Variants in AGBL2 observed in about 807,000 individuals in gnomAD.
AGBL2 encodes AGBL carboxypeptidase 2, also known as cytosolic carboxypeptidase 2.
Under a neutral mutation model 103.0 loss-of-function variants are expected in AGBL2, and 87 were observed. That is an observed-to-expected ratio of 0.84 (90% CI 0.71 to 1.01). AGBL2 has a LOEUF of 1.01. Among genes scored for constraint, AGBL2 ranks in the 50% least tolerant of loss-of-function variants. AGBL2 has a pLI of 0.00. For missense variants in AGBL2, 904 were observed against 1,023.5 expected (o/e 0.88, Z 1.59); for synonymous variants, 335 against 356.7 (o/e 0.94, Z 0.69).
chr11:47,660,042 TCAGTG>T lies in AGBL2; in HGVS notation c.*126_*130del. The T allele has an allele frequency of 1.1e-6, 1 of 900,320 alleles. No homozygotes were observed. The allele number at this position is 900,320 out of a possible 1,614,324, so 55.8% of individuals were successfully genotyped here. On this transcript the variant is annotated 3_prime_UTR_variant, in exon 19 of 19. Transcript: ENST00000525123. ...CACAGTGTAAGTACAAAGTGTAAGG[TCAGTG>T]CATGAGTGCACAACACAGTATACCA...
At chr11:47,693,045 C>T (rs771578275) in intron 8 of AGBL2, among the ~76,000 whole-genome samples, 28 of 151,982 alleles carry the variant, frequency 1.8e-4, no homozygotes, top group Admixed American at 4.6e-4. Flanking sequence ...TTCTTGAACT[C>T]CAGGGCCCAA....
At position 47,690,849 on chromosome 11, in the gene AGBL2, A is replaced by G. The variant is rs756285082; in HGVS notation, c.858T>C (p.Tyr286=). Residue 286 remains tyrosine (Y), a synonymous_variant, in exon 10 of 19, where the codon TAT becomes TAC. Coordinates refer to ENST00000525123, the MANE Select transcript of AGBL2 (RefSeq NM_024783.4). ...CAGTTCGCAAGGTGAGTTCATACTC[A>G]TAGGTGTCTCTGTAATGGAGAAAAT... is the stretch of plus-strand genomic sequence containing the variant. ...NLQKAVRVDT[Y]EYELTLRTDL... is the part of the protein sequence containing the mutation. 9.9e-6 allele frequency: 16 copies of G among 1,608,904 alleles called. No homozygotes were observed. In the South Asian group the frequency reaches 1.8e-4, roughly 18 times the overall value.
Position 47,682,022 on chromosome 11 carries a change from A to C in AGBL2, c.1862T>G (p.Met621Arg). ...CATGGTGTAGCTGTTTAGGATTCCCATCCGCCACATAACAACTCGTCCTGT... is the reference window on the plus strand; with the variant it reads ...CATGGTGTAGCTGTTTAGGATTCCCCTCCGCCACATAACAACTCGTCCTGT... ...EGTGRVVMWR[M>R]GILNSYTMES... Residue 621 changes from methionine (M) to arginine (R), a missense_variant, in exon 12 of 19, where the codon ATG becomes AGG. Coordinates refer to ENST00000525123, the MANE Select transcript of AGBL2 (RefSeq NM_024783.4). 1 of 1,614,172 alleles carries C rather than the reference A, an allele frequency of 6.2e-7. No homozygotes were observed. The highest frequency in any genetic ancestry group is 8.5e-7 in the Non-Finnish European group (1 of 1,180,022).
intron 3 of AGBL2, among the ~76,000 whole-genome samples, chr11:47,712,788 T>C (rs974451588): frequency 2.6e-5 from 4 of 151,782 alleles, no homozygotes; most frequent in African/African-American, 7.3e-5. Flanking sequence ...GCCTGTAATC[T>C]TGGCATTTTG....
At position 47,710,467 on chromosome 11, in the gene AGBL2, G is replaced by A. The variant is rs781464867; in HGVS notation, c.142C>T (p.Arg48Trp). ...AACAGGCATTGAGGGTTATTCTTCC[G>A]AACATGCTGATGCGTAGCAGAGTTT... ...LPNSATHQHV[R>W]KNNPQCLLNG... Residue 48 changes from arginine to tryptophan, a missense_variant, in exon 4 of 19, where the codon CGG becomes TGG. Physicochemically the swap from Arg to Trp is moderately radical, Grantham distance 101. Transcript: ENST00000525123. 5.6e-6 allele frequency: 9 copies of A among 1,614,002 alleles called. No individual in the cohort carries two copies. The highest frequency in any genetic ancestry group is 4.5e-5 in the East Asian group (2 of 44,896).
intron 5 of AGBL2, 84 bp downstream of exon 5, chr11:47,705,780 T>C: frequency 3.3e-6 from 4 of 1,221,526 alleles, no homozygotes; most frequent in Non-Finnish European, 4.9e-6. Context: ...CTGGTAATTC[T>C]TAGGTCTGGT....
chr11:47,704,507 C>T, intron 7 of AGBL2, 36 bp downstream of exon 7: 1 of 1,437,628 alleles, frequency 7.0e-7, no homozygotes, highest in Non-Finnish European at 9.4e-7. Flanking sequence ...AAAAGTCAGG[C>T]AGAATAGCAA....
chr11:47,700,366 G>A (rs1470071458), intron 7 of AGBL2, among the ~76,000 whole-genome samples: 1 of 151,814 alleles, frequency 6.6e-6, no homozygotes, highest in Non-Finnish European at 1.5e-5. Flanking sequence ...ATTACCTGAG[G>A]TCGGGAGTTC....
intron 17 of AGBL2, 47 bp downstream of exon 17, chr11:47,666,909 G>T: frequency 8.2e-7 from 1 of 1,213,326 alleles, no homozygotes; most frequent in East Asian, 2.4e-5. Context: ...GCTAATTCGA[G>T]AGGTTAGAGA....
chr11:47,663,148 A>T, intron 17 of AGBL2, 36 bp from the exon 18 acceptor site: 2 of 1,389,262 alleles, frequency 1.4e-6, no homozygotes, highest in Non-Finnish European at 2.0e-6. Flanking sequence ...TAAATTTTCC[A>T]CTTGAGCAAG....
chr11:47,669,863 G>A (rs201113229), intron 14 of AGBL2, among the ~76,000 whole-genome samples: 2 of 152,034 alleles, frequency 1.3e-5, no homozygotes, highest in South Asian at 4.1e-4. Flanking sequence ...CTCCCGCCTC[G>A]GCCTCCCAAA....
intron 8 of AGBL2, among the ~76,000 whole-genome samples, chr11:47,695,434 C>T (rs2097464352): frequency 6.9e-6 from 1 of 143,970 alleles, no homozygotes; most frequent in Non-Finnish European, 1.5e-5. Context: ...GAAATCACAC[C>T]ACTGCACTCC....
intron 10 of AGBL2, among the ~76,000 whole-genome samples, chr11:47,689,368 G>A (rs899551214): frequency 7.0e-6 from 1 of 143,398 alleles, no homozygotes. Flanking sequence ...GCAGTGGCAC[G>A]CTCTTGGCTC....
intron 3 of AGBL2, 43 bp downstream of exon 3, chr11:47,714,241 T>C: frequency 2.0e-6 from 3 of 1,525,532 alleles, no homozygotes; most frequent in Non-Finnish European, 2.7e-6. Context: ...AATTTTCCTC[T>C]TGAGTCCAGG....
chr11:47,671,203 G>T (rs768822104), intron 14 of AGBL2, among the ~76,000 whole-genome samples: 4 of 152,004 alleles, frequency 2.6e-5, no homozygotes, highest in Admixed American at 6.6e-5. Flanking sequence ...CTCTATGACA[G>T]GGGTCTATAC....
intron 14 of AGBL2, among the ~76,000 whole-genome samples, chr11:47,676,694 C>T (rs2097375912): frequency 6.6e-6 from 1 of 151,968 alleles, no homozygotes; most frequent in South Asian, 2.1e-4. Context: ...TTGCAGGCGC[C>T]TGTAGTCCCA....
chr11:47,703,258 G>T (rs1005915544), intron 7 of AGBL2, among the ~76,000 whole-genome samples: 2 of 152,008 alleles, frequency 1.3e-5, no homozygotes, highest in African/African-American at 4.8e-5. Context: ...TAGCACCCCT[G>T]TATTTTTAGA....
At chr11:47,701,079 C>G (rs1382767827) in intron 7 of AGBL2, among the ~76,000 whole-genome samples, 1 of 151,466 alleles carries the variant, frequency 6.6e-6, no homozygotes, top group Non-Finnish European at 1.5e-5. Context: ...AACAAACAAC[C>G]AATAAGGTGC....
intron 14 of AGBL2, among the ~76,000 whole-genome samples, chr11:47,669,595 C>T (rs1262937414): frequency 6.6e-6 from 1 of 151,984 alleles, no homozygotes; most frequent in Non-Finnish European, 1.5e-5. Flanking sequence ...AGGAGAATTG[C>T]TTGAACCTGG....
Sources: allele counts gnomAD v4.1 joint callset (sites outside exome capture counted in the v4.1 genomes callset), GRCh38; gene constraint gnomAD v4.1.1; transcripts MANE v1.5; gene names NCBI Gene and HGNC (gene_info 2026-07-23, HGNC 2026-07-21).